The following AUTS2 variants were observed in gnomAD, a reference collection of about 807,000 sequenced individuals.
AUTS2 encodes activator of transcription and developmental regulator AUTS2.
A neutral mutation model predicts 112.4 loss-of-function variants in AUTS2; 17 were observed. The observed-to-expected ratio is 0.15, with a 90% CI of 0.10 to 0.23. The LOEUF (loss-of-function observed/expected upper bound fraction) is 0.23. Ranked by LOEUF, AUTS2 falls within the 10% of genes least tolerant of loss-of-function variation. The pLI, the probability that AUTS2 is intolerant of heterozygous loss-of-function variation, is 1.00. For synonymous variants in AUTS2, 751 were observed against 702.7 expected, an observed-to-expected ratio of 1.07 and a Z score of -1.09; for missense variants, 1,510 against 1,701.6, an observed-to-expected ratio of 0.89 and a Z score of 1.98.
chr7:70,696,371 A>G (rs988165270), intron 5 of AUTS2, among the ~76,000 whole-genome samples: 7 of 152,082 alleles, frequency 4.6e-5, no homozygotes, highest in Non-Finnish European at 1.0e-4. Context: ...TTTTCTGGGG[A>G]GGCCTTTCTG....
At chr7:70,560,896 T>TA (rs1364687356) in intron 5 of AUTS2, among the ~76,000 whole-genome samples, 4 of 152,212 alleles carry the variant, frequency 2.6e-5, no homozygotes, top group African/African-American at 9.6e-5. Context: ...CAAAATCAAG[T>TA]AAAAGCAGAT....
chr7:70,429,331 A>G (rs1795556193), intron 4 of AUTS2, among the ~76,000 whole-genome samples: 1 of 152,242 alleles, frequency 6.6e-6, no homozygotes, highest in African/African-American at 2.4e-5. Flanking sequence ...GGTTGGAAAG[A>G]CTGTTGTGGC....
chr7:69,969,267 A>C (rs1306963016), intron 2 of AUTS2, among the ~76,000 whole-genome samples: 1 of 152,184 alleles, frequency 6.6e-6, no homozygotes, highest in Non-Finnish European at 1.5e-5. Flanking sequence ...TGTCATAAAA[A>C]GAAAAAGAAG....
intron 5 of AUTS2, chr7:70,595,966 C>T (rs1416375940): frequency 6.7e-6 from 1 of 150,034 alleles, no homozygotes; most frequent in Non-Finnish European, 1.5e-5. Flanking sequence ...CGCGCTCTGC[C>T]TGCGCGCTTT....
At chr7:69,842,076 A>T (rs1427984566) in intron 1 of AUTS2, among the ~76,000 whole-genome samples, 1 of 152,176 alleles carries the variant, frequency 6.6e-6, no homozygotes, top group Non-Finnish European at 1.5e-5. Flanking sequence ...AAAGCTGTGA[A>T]TTCAGGAAAA....
intron 5 of AUTS2, among the ~76,000 whole-genome samples, chr7:70,563,775 T>C (rs1801588572): frequency 6.6e-6 from 1 of 152,226 alleles, no homozygotes; most frequent in Non-Finnish European, 1.5e-5. Context: ...GTGCTGCATA[T>C]GTATGTTCCC....
rs71077675 is a variant in AUTS2, at chr7:70,724,443, C to CTTTTTTTTT, written c.742+25835_742+25843dup. Among the ~76,000 whole-genome samples, 341 of 101,346 alleles carry CTTTTTTTTT rather than the reference C, an allele frequency of 3.4e-3. 47 individuals carry two copies. The East Asian group carries it at 0.048, about 14-fold the overall frequency. 66.5% of individuals were successfully genotyped at this position (101,346 alleles called of 152,430 possible). A position where few individuals can be genotyped will look rare whatever the true frequency, so the allele number is the denominator to read the frequency against. On this transcript the variant is annotated intron_variant, in intron 6 of 18. Transcript: ENST00000342771. ...AAGAATGATTTTATTTTCATCCTGA[C>CTTTTTTTTT]TTTTTTTTTTTTTTTTTTTTGAGAC... is the stretch of plus-strand genomic sequence containing the variant.
At chr7:70,372,489 C>T (rs997417762) in intron 4 of AUTS2, among the ~76,000 whole-genome samples, 1 of 151,976 alleles carries the variant, frequency 6.6e-6, no homozygotes. Context: ...GGAAGCCTGG[C>T]ATATAGATCA....
At chr7:70,760,099 A>G (rs895388743) in intron 6 of AUTS2, among the ~76,000 whole-genome samples, 9 of 150,706 alleles carry the variant, frequency 6.0e-5, no homozygotes, top group South Asian at 2.1e-4. Context: ...TCTGCCTCCC[A>G]GGTTCACGCC....
At position 70,613,026 on chromosome 7, in the gene AUTS2, C is replaced by A. The variant is rs1023820823; in HGVS notation, c.691-85543C>A. Among the ~76,000 whole-genome samples, 6 of 152,182 alleles carry A rather than the reference C, an allele frequency of 3.9e-5. No homozygotes were observed. The East Asian group carries it at 1.2e-3, about 30-fold the overall frequency. On this transcript the variant is annotated intron_variant, in intron 5 of 18. Coordinates refer to ENST00000342771, the MANE Select transcript of AUTS2 (RefSeq NM_015570.4). ...TCATGCAGGCGACATCAGAGACTTTCTTCTTCGCTTGGGTGCATTATCATA... is the reference window on the plus strand; with the variant it reads ...TCATGCAGGCGACATCAGAGACTTTATTCTTCGCTTGGGTGCATTATCATA...
At chr7:70,418,854 GTT>G (rs34232313) in intron 4 of AUTS2, among the ~76,000 whole-genome samples, 1 of 148,166 alleles carries the variant, frequency 6.7e-6, no homozygotes, top group African/African-American at 2.5e-5. Flanking sequence ...TTTTTCCAGT[GTT>G]TTTTTTTTCT....
chr7:70,546,233 C>T (rs1400467126), intron 5 of AUTS2, among the ~76,000 whole-genome samples: 1 of 150,262 alleles, frequency 6.7e-6, no homozygotes, highest in Admixed American at 6.6e-5. Flanking sequence ...TACTTGAGGT[C>T]AGGATTTCCA....
intron 1 of AUTS2, among the ~76,000 whole-genome samples, chr7:69,801,657 A>G (rs1420097448): frequency 6.6e-6 from 1 of 152,120 alleles, no homozygotes; most frequent in African/African-American, 2.4e-5. Context: ...GTCAGTACAA[A>G]CATGCATTTG....
In AUTS2 at chr7:70,754,147, C is replaced by T. The variant is rs184304497; in HGVS notation, c.743-8723C>T. On this transcript the variant is annotated intron_variant, in intron 6 of 18. Coordinates refer to ENST00000342771, the MANE Select transcript of AUTS2 (RefSeq NM_015570.4). ...CTGCACTCCAGCCTGGGCGACAGAG[C>T]GAGACTCTGTCTCAAAATAGAATAA... Among the ~76,000 whole-genome samples the T allele has an allele frequency of 2.5e-3, 379 of 151,258 alleles. 6 individuals carry two copies. The highest frequency in any genetic ancestry group is 7.5e-3 in the African/African-American group (310 of 41,208).
At chr7:70,209,740 A>G (rs1175249429) in intron 4 of AUTS2, among the ~76,000 whole-genome samples, 2 of 152,132 alleles carry the variant, frequency 1.3e-5, no homozygotes, top group South Asian at 2.1e-4. Flanking sequence ...AAATAATATT[A>G]ATTGGGGCTT....
intron 1 of AUTS2, among the ~76,000 whole-genome samples, chr7:69,800,630 A>G (rs1790041349): frequency 6.6e-6 from 1 of 152,222 alleles, no homozygotes. Flanking sequence ...GGCAGTGAGT[A>G]TGCCAAAGGT....
In AUTS2 at chr7:70,631,231, C is replaced by T. The variant is rs1805241339; in HGVS notation, c.691-67338C>T. 6.6e-6 allele frequency among the ~76,000 whole-genome samples: 1 copy of T among 152,180 alleles called. No homozygotes were observed. The highest frequency in any genetic ancestry group is 1.5e-5 in the Non-Finnish European group (1 of 68,042). Reference sequence around the variant, plus strand: ...AAGGGGCCAAGAGGGTCCTCAGAGACAAACTGTGTTCAGTGTGAGTTAATA... The same window carrying T: ...AAGGGGCCAAGAGGGTCCTCAGAGATAAACTGTGTTCAGTGTGAGTTAATA... On this transcript the variant is annotated intron_variant, in intron 5 of 18. Coordinates refer to ENST00000342771, the MANE Select transcript of AUTS2 (RefSeq NM_015570.4). This position sits in a 1 kb window ranked among gnomAD's most constrained non-coding sequence, Gnocchi z 4.5.
chr7:69,673,552 A>G (rs1041652511), intron 1 of AUTS2, among the ~76,000 whole-genome samples: 2 of 152,236 alleles, frequency 1.3e-5, no homozygotes, highest in African/African-American at 4.8e-5. Flanking sequence ...CAGCCTCACC[A>G]ATGTCCATGG....
rs1425084385 is a variant in AUTS2, at chr7:70,254,365, C to G, written c.660+119794C>G. Among the ~76,000 whole-genome samples, 6 of 152,126 alleles carry G rather than the reference C, an allele frequency of 3.9e-5. No homozygotes were observed. In the East Asian group the frequency reaches 1.2e-3, roughly 29 times the overall value. On this transcript the variant is annotated intron_variant, in intron 4 of 18. Transcript: ENST00000342771. The stretch of plus-strand genomic sequence containing the variant: ...CTTTCAAACATAGATTATATTATTC[C>G]AACCCTTCTTAAGTGGAATTAGTAT...
Sources: gnomAD v4.1 joint callset for allele counts (sites outside exome capture counted in the v4.1 genomes callset) on GRCh38, gnomAD v4.1.1 for gene constraint, Gnocchi (gnomAD v3.1) non-coding constraint, MANE v1.5 for transcripts, NCBI Gene and HGNC (gene_info 2026-07-23, HGNC 2026-07-21) for gene names.